The following SMG1 variants were observed in gnomAD, a reference collection of about 807,000 sequenced individuals.
SMG1 encodes serine/threonine-protein kinase SMG1.
A neutral mutation model predicts 419.9 loss-of-function variants in SMG1; 22 were observed. The observed-to-expected ratio is 0.05, with a 90% confidence interval of 0.04 to 0.07. The LOEUF (loss-of-function observed/expected upper bound fraction) is 0.07, where lower values mean the gene tolerates loss of function less well. Among genes scored for constraint, SMG1 ranks in the 10% least tolerant of loss-of-function variants. The probability of loss-of-function intolerance (pLI) is 1.00; values close to 1 mark genes in which losing one functional copy is unlikely to be tolerated. For synonymous variants in SMG1, 1,538 were observed against 1,553.5 expected (o/e 0.99, Z 0.23); for missense variants, 3,185 against 4,342.0 (o/e 0.73, Z 7.49).
At chr16:18,844,566 T>C (rs2034140821) in intron 39 of SMG1, among the ~76,000 whole-genome samples, 1 of 39,732 alleles carries the variant, frequency 2.5e-5, no homozygotes, top group Non-Finnish European at 5.0e-5. Context: ...ACTTCATCCT[T>C]CTCTCACACA....
At chr16:18,903,656 T>C (rs993897131) in intron 1 of SMG1, among the ~76,000 whole-genome samples, 2 of 152,186 alleles carry the variant, frequency 1.3e-5, no homozygotes, top group Non-Finnish European at 2.9e-5. Context: ...ACAATCCTAT[T>C]AGTTATAACT....
At chr16:18,908,509 T>C (rs2037665770) in intron 1 of SMG1, among the ~76,000 whole-genome samples, 1 of 143,814 alleles carries the variant, frequency 7.0e-6, no homozygotes, top group African/African-American at 2.6e-5. Flanking sequence ...AGTTACACAC[T>C]GCAGAAATCT....
At chr16:18,906,097 T>A (rs2037550212) in intron 1 of SMG1, among the ~76,000 whole-genome samples, 2 of 152,082 alleles carry the variant, frequency 1.3e-5, no homozygotes, top group South Asian at 4.1e-4. Context: ...TCCCATTCTA[T>A]ACATGCACTA....
chr16:18,870,951 A>C, intron 16 of SMG1, 63 bp from the exon 17 acceptor site: 1 of 788,000 alleles, frequency 1.3e-6, no homozygotes, highest in Non-Finnish European at 2.1e-6. Flanking sequence ...CCAGTTTGTC[A>C]TAATTATCTG....
chr16:18,863,221 T>C (rs2035304297), intron 25 of SMG1, among the ~76,000 whole-genome samples: 2 of 152,208 alleles, frequency 1.3e-5, no homozygotes, highest in South Asian at 4.1e-4. Flanking sequence ...AATTACAGAA[T>C]AAAAGCACAG....
At chr16:18,850,991 G>C (rs2034559467) in intron 33 of SMG1, among the ~76,000 whole-genome samples, 1 of 152,156 alleles carries the variant, frequency 6.6e-6, no homozygotes, top group African/African-American at 2.4e-5. Flanking sequence ...CTGACCTCAG[G>C]TGATCCGCCT....
chr16:18,917,765 C>CG (rs999354896), intron 1 of SMG1, among the ~76,000 whole-genome samples: 2 of 150,240 alleles, frequency 1.3e-5, no homozygotes, highest in African/African-American at 4.9e-5. Context: ...TTAGTAGAGA[C>CG]GGGGTTTCTC....
At chr16:18,922,009 A>G (rs1417164493) in intron 1 of SMG1, among the ~76,000 whole-genome samples, 3 of 152,248 alleles carry the variant, frequency 2.0e-5, no homozygotes, top group Admixed American at 6.5e-5. Flanking sequence ...TTACACAATT[A>G]ATGTCCTAAA....
At chr16:18,895,919 A>T in intron 3 of SMG1, 133 bp downstream of exon 3, 1 of 923,764 alleles carries the variant, frequency 1.1e-6, no homozygotes, top group Non-Finnish European at 1.7e-6. Flanking sequence ...AAATGAATGT[A>T]AACAATTTTT....
chr16:18,820,546 C>T (rs867945963), intron 55 of SMG1, among the ~76,000 whole-genome samples: 11 of 152,118 alleles, frequency 7.2e-5, no homozygotes, highest in African/African-American at 1.7e-4. Flanking sequence ...ATTATCATGA[C>T]GAGGAAAGTT....
chr16:18,829,690 G>C lies in SMG1; in HGVS notation c.9199C>G (p.Leu3067Val), dbSNP rs2141206640. 1 of 1,613,886 alleles carries C rather than the reference G, an allele frequency of 6.2e-7. No individual in the cohort carries two copies. Among genetic ancestry groups the C allele is most frequent in the East Asian group, 2.2e-5 (1 of 44,888 alleles). The stretch of plus-strand genomic sequence containing the variant: ...TCACTGAAACAAGAGTTTCTAAAAA[G>C]GGTTTTCACATTGACAATCTGTACA... ...GPVQIVNVKT[L>V]FRNSCFSEDQ... The change falls in exon 54 of 63, where the codon CTT becomes GTT. Residue 3067 changes from leucine (L) to valine (V), a missense_variant. Around this residue, in one of 27 missense-constraint regions of SMG1, gnomAD observed 737 missense variants for 846.6 expected, o/e 0.87. Coordinates refer to ENST00000446231, the MANE Select transcript of SMG1 (RefSeq NM_015092.5).
In SMG1 at chr16:18,836,643, A is replaced by G. The variant is rs2033592007; in HGVS notation, c.7605-111T>C. ...GGACTGTCTGGTACGCTCCTTGTTC[A>G]CCTTGAGGGCCCTCCTCAAATGTCC... On this transcript the variant is annotated intron_variant, in intron 46 of 62. Transcript: ENST00000446231. The G allele has an allele frequency of 5.5e-6, 6 of 1,090,346 alleles. No homozygotes were observed. The South Asian group carries it at 7.7e-5, about 14-fold the overall frequency. 67.5% of individuals were successfully genotyped at this position (1,090,346 alleles called of 1,614,324 possible).
At position 18,842,247 on chromosome 16, in the gene SMG1, G is replaced by C. The variant is rs2033967611; in HGVS notation, c.6427C>G (p.Leu2143Val). 6.2e-7 allele frequency: 1 copy of C among 1,613,974 alleles called. No individual in the cohort carries two copies. The highest frequency in any genetic ancestry group is 1.3e-5 in the African/African-American group (1 of 75,058). ...TKTKPKKLLF[L>V]GSDGKSYPYL... ...GGATAGCTCTTCCCATCTGATCCAA[G>C]AAAGAGAAGTTTCTTTGGCTTGGTT... The change falls in exon 40 of 63, where the codon CTT becomes GTT. Residue 2143 changes from leucine (L) to valine (V), a missense_variant. This residue lies in a region of SMG1 where 159 missense variants were observed against 196.0 expected (regional missense o/e 0.81). Transcript: ENST00000446231.
In SMG1 at chr16:18,889,822, G is replaced by C. The variant is rs1489419770; in HGVS notation, c.609-237C>G. ...TTACAAAATCAATTATTTACAAACA[G>C]TGAGGGAAGGCCCAAAAATGCTAAA... On this transcript the variant is annotated intron_variant, in intron 5 of 62. Transcript: ENST00000446231. 2.6e-5 allele frequency among the ~76,000 whole-genome samples: 4 copies of C among 152,244 alleles called. No individual in the cohort carries two copies. In the East Asian group the frequency reaches 7.7e-4, roughly 29 times the overall value.
intron 8 of SMG1, 61 bp downstream of exon 8, chr16:18,885,029 T>C (rs2036557844): frequency 1.5e-6 from 1 of 648,374 alleles, no homozygotes; most frequent in Non-Finnish European, 2.7e-6. Flanking sequence ...AGATGGTCAC[T>C]GGGGGACCAC....
At chr16:18,881,783 G>A (rs1046030797) in intron 10 of SMG1, among the ~76,000 whole-genome samples, 3 of 152,044 alleles carry the variant, frequency 2.0e-5, no homozygotes, top group Admixed American at 6.6e-5. Context: ...TCCATCTTAT[G>A]TTCAGAGAAG....
chr16:18,828,998 CAAAA>C (rs5816012), intron 54 of SMG1, among the ~76,000 whole-genome samples: 1 of 122,384 alleles, frequency 8.2e-6, no homozygotes, highest in African/African-American at 3.3e-5. Flanking sequence ...AACTCCATCT[CAAAA>C]AAAAAAAAAA....
intron 41 of SMG1, among the ~76,000 whole-genome samples, chr16:18,841,224 A>C (rs1228809686): frequency 6.6e-6 from 1 of 152,022 alleles, no homozygotes; most frequent in Non-Finnish European, 1.5e-5. Context: ...ACATGGCAAA[A>C]TCCCATCTCT....
Position 18,870,666 on chromosome 16 carries a change from A to G in SMG1, c.2436T>C (p.Arg812=), listed in dbSNP as rs370612862. ...CRVQLVHSGT[R]IRQAFGKLLK... ...ACAGTTTTCCAAATGCTTGTCGAAT[A>G]CGAGTTCCACTGTGCACTAGTTGAA... Residue 812 remains arginine (R), a synonymous_variant, in exon 18 of 63, where the codon CGT becomes CGC. Coordinates refer to ENST00000446231, the MANE Select transcript of SMG1 (RefSeq NM_015092.5). 3 of 1,608,700 alleles carry G rather than the reference A, an allele frequency of 1.9e-6. No individual in the cohort carries two copies. Among genetic ancestry groups the G allele is most frequent in the Non-Finnish European group, 2.5e-6 (3 of 1,178,332 alleles).
Sources: allele counts gnomAD v4.1 joint callset (sites outside exome capture counted in the v4.1 genomes callset), GRCh38; gene constraint gnomAD v4.1.1; regional missense constraint gnomAD v4.1.1; transcripts MANE v1.5; gene names NCBI Gene and HGNC (gene_info 2026-07-23, HGNC 2026-07-21).